Variants in EYA3 observed in about 807,000 individuals in gnomAD.
EYA3 encodes the protein protein phosphatase EYA3.
A neutral mutation model predicts 80.0 loss-of-function variants in EYA3; 39 were observed. The ratio of observed to expected loss-of-function variants is 0.49; its 90% CI spans 0.38 to 0.64. EYA3 has a LOEUF of 0.64. Among genes scored for constraint, EYA3 ranks in the 30% least tolerant of loss-of-function variants. The probability of loss-of-function intolerance (pLI) is 0.00; values close to 1 mark genes in which losing one functional copy is unlikely to be tolerated. For missense variants in EYA3, 523 were observed against 676.1 expected (o/e 0.77, Z 2.51); for synonymous variants, 206 against 232.8 (o/e 0.88, Z 1.05).
At chr1:28,081,771 A>T (rs1040573611) in intron 1 of EYA3, among the ~76,000 whole-genome samples, 1 of 152,204 alleles carries the variant, frequency 6.6e-6, no homozygotes, top group Admixed American at 6.5e-5. Flanking sequence ...CCTAAAAGCT[A>T]ATCATTCTAA....
At chr1:28,025,620 T>C (rs1642732631) in intron 7 of EYA3, among the ~76,000 whole-genome samples, 1 of 152,204 alleles carries the variant, frequency 6.6e-6, no homozygotes, top group Non-Finnish European at 1.5e-5. Flanking sequence ...ACTTCATAAA[T>C]ACCTGCAATT....
intron 1 of EYA3, among the ~76,000 whole-genome samples, chr1:28,070,788 C>T (rs188327359): frequency 6.6e-6 from 1 of 151,984 alleles, no homozygotes; most frequent in East Asian, 1.9e-4. Context: ...GAAGAAATAC[C>T]CAGGTAACAA....
At chr1:28,042,843 C>T (rs1482949483) in intron 3 of EYA3, among the ~76,000 whole-genome samples, 193 bp from the exon 4 acceptor site, 2 of 151,842 alleles carry the variant, frequency 1.3e-5, no homozygotes, top group African/African-American at 4.8e-5. Flanking sequence ...CAGCATTCTA[C>T]CGCTCTTTCT....
At chr1:27,979,292 C>T (rs1639150161) in intron 16 of EYA3, among the ~76,000 whole-genome samples, 1 of 152,206 alleles carries the variant, frequency 6.6e-6, no homozygotes, top group African/African-American at 2.4e-5. Flanking sequence ...TTCCCAGAAA[C>T]AGTCCTGGGT....
Position 27,974,542 on chromosome 1 carries a change from T to C in EYA3, c.1646A>G (p.Asn549Ser). The change falls in exon 18 of 18, where the codon AAC becomes AGC. Residue 549 changes from asparagine to serine, a missense_variant. Coordinates refer to ENST00000373871, the MANE Select transcript of EYA3 (RefSeq NM_001990.4). ...RDEEIAAKQH[N>S]MPFWRITNHG... The stretch of plus-strand genomic sequence containing the variant: ...GTTTGTGATCCTCCAGAAAGGCATG[T>C]TGTGCTGGAAGAGAGTGGGAATAGC... The C allele has an allele frequency of 6.2e-7, 1 of 1,612,294 alleles. No individual in the cohort carries two copies. Among genetic ancestry groups the C allele is most frequent in the Non-Finnish European group, 8.5e-7 (1 of 1,178,544 alleles).
At chr1:28,026,906 C>T (rs1571838866) in intron 7 of EYA3, among the ~76,000 whole-genome samples, 1 of 152,248 alleles carries the variant, frequency 6.6e-6, no homozygotes, top group Admixed American at 6.5e-5. Context: ...TCAAACATTT[C>T]TGAAAACAGT....
intron 3 of EYA3, among the ~76,000 whole-genome samples, chr1:28,047,533 C>CA (rs201865307): frequency 0.04 from 6,086 of 151,888 alleles, 140 homozygotes; most frequent in Middle Eastern, 0.055. Flanking sequence ...CAGTTACTGG[C>CA]TCATATGGTT....
Position 27,993,388 on chromosome 1 carries a change from T to C in EYA3, c.1303+12A>G, listed in dbSNP as rs1393223076. 5.6e-6 allele frequency: 9 copies of C among 1,612,412 alleles called. No individual in the cohort carries two copies. The highest frequency in any genetic ancestry group is 7.6e-6 in the Non-Finnish European group (9 of 1,179,428). On this transcript the variant is annotated intron_variant, in intron 14 of 17. Transcript: ENST00000373871. ...GAAACAGAGAATCAGACTGGTTATATGCCACACTTACCACCCACGTTGCTT... is the reference window on the plus strand; with the variant it reads ...GAAACAGAGAATCAGACTGGTTATACGCCACACTTACCACCCACGTTGCTT...
chr1:27,994,320 G>T (rs1640275411), intron 13 of EYA3, among the ~76,000 whole-genome samples: 1 of 152,174 alleles, frequency 6.6e-6, no homozygotes, highest in Non-Finnish European at 1.5e-5. Flanking sequence ...GAGATTGGAA[G>T]CACATTCTCC....
chr1:28,088,021 C>A (rs912334607), intron 1 of EYA3, among the ~76,000 whole-genome samples: 3 of 152,156 alleles, frequency 2.0e-5, no homozygotes, highest in Admixed American at 1.3e-4. Flanking sequence ...GCACTGTCAC[C>A]TACTGGTCCC....
At position 28,004,283 on chromosome 1, in the gene EYA3, A is replaced by G. The variant is rs550775355; in HGVS notation, c.993+53T>C. 3 of 1,228,548 alleles carry G rather than the reference A, an allele frequency of 2.4e-6. No individual in the cohort carries two copies. In the African/African-American group the frequency reaches 4.4e-5, roughly 18 times the overall value. The allele number at this position is 1,228,548 out of a possible 1,614,324, so 76.1% of individuals were successfully genotyped here. On this transcript the variant is annotated intron_variant, in intron 11 of 17. Transcript: ENST00000373871. ...TAATTTGTTATGTGTCAGAAGAGGGACTGACTATATAGTCAGAAGAGGGAC... is the reference window on the plus strand; with the variant it reads ...TAATTTGTTATGTGTCAGAAGAGGGGCTGACTATATAGTCAGAAGAGGGAC...
chr1:28,055,195 ACT>A (rs1423498168), intron 2 of EYA3, among the ~76,000 whole-genome samples: 1 of 151,974 alleles, frequency 6.6e-6, no homozygotes, highest in Non-Finnish European at 1.5e-5. Context: ...TTCTTCAGGG[ACT>A]CTCAGTGTGT....
chr1:27,989,356 C>T (rs1018593824), intron 15 of EYA3, among the ~76,000 whole-genome samples: 8 of 152,180 alleles, frequency 5.3e-5, no homozygotes, highest in African/African-American at 1.9e-4. Context: ...CTTGGAGCTT[C>T]CTGTACCTAG....
At chr1:28,067,308 C>T (rs899404476) in intron 1 of EYA3, among the ~76,000 whole-genome samples, 3 of 152,134 alleles carry the variant, frequency 2.0e-5, no homozygotes, top group Non-Finnish European at 4.4e-5. Context: ...TACACTGTAA[C>T]TGTAAACTAT....
At chr1:28,003,442 C>T (rs1345551109) in intron 11 of EYA3, among the ~76,000 whole-genome samples, 1 of 152,098 alleles carries the variant, frequency 6.6e-6, no homozygotes, top group Non-Finnish European at 1.5e-5. Context: ...GTACTCCAGC[C>T]TGGGTGACAA....
At chr1:27,974,927 G>C (rs1184285790) in intron 17 of EYA3, among the ~76,000 whole-genome samples, 2 of 152,034 alleles carry the variant, frequency 1.3e-5, no homozygotes, top group Non-Finnish European at 2.9e-5. Context: ...CTGAGTAGCT[G>C]GAACTACAGG....
chr1:28,010,568 G>A (rs1641620616), intron 10 of EYA3, among the ~76,000 whole-genome samples: 1 of 151,950 alleles, frequency 6.6e-6, no homozygotes, highest in African/African-American at 2.4e-5. Context: ...TATATTTTTA[G>A]AGATGGGGGT....
In EYA3 at chr1:28,027,854, A is replaced by G; in HGVS notation, c.434T>C (p.Leu145Pro). ...QTPSPSQHSV[L>P]TCTTGLTTSQ... ...TGTGGTTAACCCTGTAGTGCAGGTAAGAACACTGTGTTGACTTGGAGATGG... is the reference window on the plus strand; with the variant it reads ...TGTGGTTAACCCTGTAGTGCAGGTAGGAACACTGTGTTGACTTGGAGATGG... Residue 145 changes from leucine to proline, a missense_variant, in exon 7 of 18, where the codon CTT becomes CCT. Leu to Pro is a moderately conservative substitution (Grantham distance 98, BLOSUM62 -3). Around this residue, in one of 2 missense-constraint regions of EYA3, gnomAD observed 304 missense variants for 343.3 expected, o/e 0.89. Transcript: ENST00000373871. 1.9e-6 allele frequency: 3 copies of G among 1,614,208 alleles called. No individual in the cohort carries two copies. In the South Asian group the frequency reaches 3.3e-5, roughly 18 times the overall value.
rs1303086724 is a variant in EYA3, at chr1:28,062,825, A to G, written c.-68-4731T>C. Among the ~76,000 whole-genome samples the G allele has an allele frequency of 2.6e-5, 4 of 151,958 alleles. No individual in the cohort carries two copies. In the East Asian group the frequency reaches 7.7e-4, roughly 29 times the overall value. ...AAACTAGCCTGGCCAACATGGTCAA[A>G]CTCTGTCTCTCTTAAAAATACAAAA... On this transcript the variant is annotated intron_variant, in intron 1 of 17. Transcript: ENST00000373871.
Sources: gnomAD v4.1 joint callset for allele counts (sites outside exome capture counted in the v4.1 genomes callset) on GRCh38, gnomAD v4.1.1 for gene constraint, gnomAD v4.1.1 regional missense constraint, MANE v1.5 for transcripts, NCBI Gene and HGNC (gene_info 2026-07-23, HGNC 2026-07-21) for gene names.